Variants in DNAH11 observed in about 807,000 individuals in gnomAD.
DNAH11 encodes the protein axonemal beta dynein heavy chain 11.
Under a neutral mutation model 526.0 loss-of-function variants are expected in DNAH11, and 442 were observed. The observed-to-expected ratio is 0.84, with a 90% CI of 0.78 to 0.91. DNAH11 has a LOEUF of 0.91. Ranked by LOEUF, DNAH11 falls within the 40% of genes least tolerant of loss-of-function variation. DNAH11 has a pLI of 0.00. For missense variants in DNAH11, 6,989 were observed against 5,448.7 expected (o/e 1.28, Z -8.90); for synonymous variants, 2,461 against 1,935.9 (o/e 1.27, Z -7.12).
chr7:21,871,406 C>T (rs1412145357), intron 73 of DNAH11, among the ~76,000 whole-genome samples: 1 of 152,204 alleles, frequency 6.6e-6, no homozygotes, highest in Non-Finnish European at 1.5e-5. Flanking sequence ...TCAAGAATAG[C>T]TGCCAAGCTA....
At chr7:21,646,083 CA>C (rs1191079328) in intron 28 of DNAH11, among the ~76,000 whole-genome samples, 4 of 151,686 alleles carry the variant, frequency 2.6e-5, no homozygotes, top group Non-Finnish European at 5.9e-5. Flanking sequence ...AGAACTCCAA[CA>C]AAAAAACAAA....
chr7:21,744,815 G>C, intron 50 of DNAH11, 55 bp from the exon 51 acceptor site: 4 of 1,553,126 alleles, frequency 2.6e-6, no homozygotes, highest in Middle Eastern at 3.4e-4. Flanking sequence ...GCTGCCTGCA[G>C]CTGGACCTCT....
intron 36 of DNAH11, among the ~76,000 whole-genome samples, chr7:21,699,456 A>T (rs915523832): frequency 2.6e-5 from 4 of 152,174 alleles, no homozygotes; most frequent in Non-Finnish European, 4.4e-5. Flanking sequence ...TGGTGACATT[A>T]TTCTGTAGTC....
Position 21,901,327 on chromosome 7 carries a change from C to T in DNAH11, c.*73C>T. Reference sequence around the variant, plus strand: ...TTCTAGCATGTTGCTGCACTGTTCCCATGCACATTATTCTAACTTTTTAGT... The same window carrying T: ...TTCTAGCATGTTGCTGCACTGTTCCTATGCACATTATTCTAACTTTTTAGT... On this transcript the variant is annotated 3_prime_UTR_variant, in exon 82 of 82. Transcript: ENST00000409508. 5 of 1,432,908 alleles carry T rather than the reference C, an allele frequency of 3.5e-6. No homozygotes were observed. Among genetic ancestry groups the T allele is most frequent in the East Asian group, 2.4e-5 (1 of 41,454 alleles). 88.8% of individuals were successfully genotyped at this position (1,432,908 alleles called of 1,614,324 possible). A position where few individuals can be genotyped will look rare whatever the true frequency, so the allele number is the denominator to read the frequency against.
intron 55 of DNAH11, 69 bp downstream of exon 55, chr7:21,765,658 A>ACACACC: frequency 7.3e-7 from 1 of 1,362,876 alleles, no homozygotes; most frequent in Non-Finnish European, 9.6e-7. Flanking sequence ...ACACACACAC[A>ACACACC]CTCTGAAAAT....
At position 21,718,314 on chromosome 7, in the gene DNAH11, T is replaced by C. The variant is rs556783202; in HGVS notation, c.7134+389T>C. 1.2e-4 allele frequency among the ~76,000 whole-genome samples: 18 copies of C among 152,300 alleles called. 1 individual carries two copies. The highest frequency in any genetic ancestry group is 9.1e-4 in the Admixed American group (14 of 15,302). On this transcript the variant is annotated intron_variant, in intron 43 of 81. Coordinates refer to ENST00000409508, the MANE Select transcript of DNAH11 (RefSeq NM_001277115.2). The stretch of plus-strand genomic sequence containing the variant: ...TAGAAGAACAAAGTTGCAATAGCTT[T>C]ATTTATTTTTCTGGTTCCTAAGTAA...
chr7:21,822,321 G>A (rs1007406478), intron 65 of DNAH11, among the ~76,000 whole-genome samples: 2 of 152,114 alleles, frequency 1.3e-5, no homozygotes, highest in Non-Finnish European at 2.9e-5. Flanking sequence ...GGGAGCAATA[G>A]AGAATGGGCA....
intron 6 of DNAH11, among the ~76,000 whole-genome samples, chr7:21,569,419 T>C (rs546109857): frequency 6.6e-6 from 1 of 152,202 alleles, no homozygotes; most frequent in Non-Finnish European, 1.5e-5. Flanking sequence ...AAGTTGGGAG[T>C]GTCGGTTGAT....
At position 21,795,147 on chromosome 7, in the gene DNAH11, A is replaced by G. The variant is rs114055004; in HGVS notation, c.10026+5805A>G. On this transcript the variant is annotated intron_variant, in intron 61 of 81. Coordinates refer to ENST00000409508, the MANE Select transcript of DNAH11 (RefSeq NM_001277115.2). ...CCTTTGTGTTCTCAAACTTTTGCAC[A>G]ACGATTCTTAGGTAAAGGTTAATTT... 9.9e-3 allele frequency among the ~76,000 whole-genome samples: 1,500 copies of G among 152,270 alleles called. 17 individuals are homozygous for G. Among genetic ancestry groups the G allele is most frequent in the African/African-American group, 0.034 (1,414 of 41,532 alleles).
chr7:21,646,899 C>T (rs749872094), intron 28 of DNAH11, among the ~76,000 whole-genome samples: 4 of 151,960 alleles, frequency 2.6e-5, no homozygotes, highest in Non-Finnish European at 5.9e-5. Context: ...TTTTAAGCAG[C>T]GTAAAGTTCA....
At chr7:21,828,238 C>T (rs150146330) in intron 65 of DNAH11, among the ~76,000 whole-genome samples, 2,688 of 152,190 alleles carry the variant, frequency 0.018, 88 homozygotes, top group African/African-American at 0.06. Flanking sequence ...CATGAGCCAC[C>T]GCGCCTGGCC....
intron 54 of DNAH11, among the ~76,000 whole-genome samples, chr7:21,754,081 G>C (rs148959354): frequency 5.3e-5 from 8 of 152,140 alleles, no homozygotes; most frequent in African/African-American, 1.7e-4. Context: ...AAGATATTTT[G>C]TCTCTCCTGT....
At chr7:21,870,934 G>A (rs1208825040) in intron 73 of DNAH11, among the ~76,000 whole-genome samples, 1 of 152,196 alleles carries the variant, frequency 6.6e-6, no homozygotes, top group Non-Finnish European at 1.5e-5. Context: ...GAAGTTGCTA[G>A]TATCCATTTG....
intron 9 of DNAH11, 81 bp downstream of exon 9, chr7:21,582,102 C>A: frequency 2.3e-6 from 2 of 880,088 alleles, no homozygotes; most frequent in Admixed American, 1.9e-5. Context: ...AATTCTCATT[C>A]AGGTAGAGTA....
intron 36 of DNAH11, among the ~76,000 whole-genome samples, chr7:21,700,149 T>G (rs1190983777): frequency 6.6e-6 from 1 of 152,204 alleles, no homozygotes; most frequent in Non-Finnish European, 1.5e-5. Context: ...TAACAAGGGA[T>G]AAGGGCAAGA....
chr7:21,600,055 A>G lies in DNAH11; in HGVS notation c.2936A>G (p.Asn979Ser), dbSNP rs1380858783. ...GATCTTGTAGAAGAAATGTTATGCA[A>G]TAGTTTTAGAATGTCTGCCCAGATG... ...FYDLVEEMLC[N>S]SFRMSAQMNR... The change falls in exon 15 of 82, where the codon AAT (asparagine) becomes AGT (serine). Residue 979 changes from asparagine (N) to serine (S), a missense_variant. Physicochemically the swap from Asn to Ser is conservative, Grantham distance 46. Coordinates refer to ENST00000409508, the MANE Select transcript of DNAH11 (RefSeq NM_001277115.2). 7 of 1,608,828 alleles carry G rather than the reference A, an allele frequency of 4.4e-6. No homozygotes were observed. Among genetic ancestry groups the G allele is most frequent in the South Asian group, 3.3e-5 (3 of 90,032 alleles).
Position 21,845,799 on chromosome 7 carries a change from G to A in DNAH11, c.10896+3051G>A, listed in dbSNP as rs1284104752. Among the ~76,000 whole-genome samples the A allele has an allele frequency of 3.3e-5, 5 of 152,112 alleles. No individual in the cohort carries two copies. In the East Asian group the frequency reaches 7.7e-4, roughly 23 times the overall value. On this transcript the variant is annotated intron_variant, in intron 66 of 81. Coordinates refer to ENST00000409508, the MANE Select transcript of DNAH11 (RefSeq NM_001277115.2). ...ATAATATTGTGTTGAATTTCAGAAA[G>A]GAATGACTTAACAATAATGGCTTAA...
chr7:21,857,398 T>C (rs1435265238), intron 68 of DNAH11, among the ~76,000 whole-genome samples: 1 of 152,186 alleles, frequency 6.6e-6, no homozygotes, highest in Non-Finnish European at 1.5e-5. Context: ...TCCAAACTGA[T>C]TTATAGATTC....
At chr7:21,886,793 G>A (rs1784139842) in intron 76 of DNAH11, among the ~76,000 whole-genome samples, 1 of 152,192 alleles carries the variant, frequency 6.6e-6, no homozygotes, top group African/African-American at 2.4e-5. Flanking sequence ...ACCTGAAGGG[G>A]CATCAGTGAT....
Sources: allele counts gnomAD v4.1 joint callset (sites outside exome capture counted in the v4.1 genomes callset), GRCh38; gene constraint gnomAD v4.1.1; transcripts MANE v1.5; gene names NCBI Gene and HGNC (gene_info 2026-07-23, HGNC 2026-07-21).